NRXN3: variants seen among roughly 807,000 people sequenced by gnomAD.
The protein encoded by NRXN3 is neurexin III.
A neutral mutation model predicts 137.6 loss-of-function variants in NRXN3; 32 were observed. That is an observed-to-expected ratio of 0.23 (90% CI 0.18 to 0.31). The LOEUF (loss-of-function observed/expected upper bound fraction) is 0.31. Ranked by LOEUF, NRXN3 falls within the 10% of genes least tolerant of loss-of-function variation. The pLI is 1.00. For synonymous variants in NRXN3, 798 were observed against 784.5 expected (o/e 1.02, Z -0.29); for missense variants, 1,574 against 2,062.5 (o/e 0.76, Z 4.59).
At chr14:79,202,899 T>C (rs775813615) in intron 15 of NRXN3, among the ~76,000 whole-genome samples, 5 of 152,202 alleles carry the variant, frequency 3.3e-5, no homozygotes, top group African/African-American at 4.8e-5. Flanking sequence ...AGATACCCAG[T>C]AGTGGCATTG....
intron 4 of NRXN3, among the ~76,000 whole-genome samples, chr14:78,347,178 T>G (rs576645135): frequency 1.6e-4 from 25 of 152,330 alleles, no homozygotes; most frequent in Middle Eastern, 6.8e-3. Flanking sequence ...AATCCCTGAT[T>G]GTAGCTTCTG....
chr14:79,024,784 A>G (rs1400148513), intron 15 of NRXN3, among the ~76,000 whole-genome samples: 4 of 152,202 alleles, frequency 2.6e-5, no homozygotes, highest in Non-Finnish European at 5.9e-5. Context: ...TATTATTCTC[A>G]TCAGCAAAAT....
At chr14:78,539,704 G>C (rs1286661935) in intron 4 of NRXN3, among the ~76,000 whole-genome samples, 1 of 151,916 alleles carries the variant, frequency 6.6e-6, no homozygotes, top group Non-Finnish European at 1.5e-5. Flanking sequence ...GTAATGTTAG[G>C]GTGTCGATTA....
chr14:79,512,310 A>G (rs1428034958), intron 16 of NRXN3, among the ~76,000 whole-genome samples: 1 of 152,206 alleles, frequency 6.6e-6, no homozygotes, highest in Non-Finnish European at 1.5e-5. Flanking sequence ...CATCTTGGGG[A>G]AAATTTCCTA....
intron 15 of NRXN3, among the ~76,000 whole-genome samples, chr14:78,990,361 A>ATTTT (rs1163720240): frequency 0.011 from 829 of 76,060 alleles, 51 homozygotes; most frequent in African/African-American, 0.026. Flanking sequence ...GTTCACATCT[A>ATTTT]TTTTTTTTTT....
intron 15 of NRXN3, among the ~76,000 whole-genome samples, chr14:79,204,593 G>A (rs752558137): frequency 3.9e-5 from 6 of 152,108 alleles, no homozygotes; most frequent in Non-Finnish European, 7.4e-5. Context: ...GAGGGTGAAT[G>A]TCTGAATATG....
At chr14:78,431,542 G>A (rs541227482) in intron 4 of NRXN3, among the ~76,000 whole-genome samples, 11 of 152,238 alleles carry the variant, frequency 7.2e-5, no homozygotes, top group African/African-American at 2.4e-4. Context: ...TAAATCTTTT[G>A]TGTAGGCAAA....
chr14:78,319,988 C>G (rs979422221), intron 4 of NRXN3, among the ~76,000 whole-genome samples: 1 of 152,204 alleles, frequency 6.6e-6, no homozygotes, highest in Admixed American at 6.5e-5. Context: ...GCTGGAGGAA[C>G]AGAAGTGCAT....
chr14:78,396,046 C>A (rs1405232426), intron 4 of NRXN3, among the ~76,000 whole-genome samples: 1 of 151,594 alleles, frequency 6.6e-6, no homozygotes, highest in African/African-American at 2.4e-5. Flanking sequence ...CTCTGTGTTT[C>A]TCTTTTCTTT....
chr14:79,067,398 T>G (rs1262403540), intron 15 of NRXN3, among the ~76,000 whole-genome samples: 1 of 152,196 alleles, frequency 6.6e-6, no homozygotes, highest in African/African-American at 2.4e-5. Context: ...TGCATCAATA[T>G]TTATCAAGTA....
At chr14:78,967,433 G>A (rs2099420945) in intron 13 of NRXN3, 35 bp downstream of exon 13, 1 of 1,501,992 alleles carries the variant, frequency 6.7e-7, no homozygotes, top group Admixed American at 1.8e-5. Flanking sequence ...TTTTAATAGA[G>A]CTTTTCTTAC....
At chr14:78,450,148 A>C (rs781663265) in intron 4 of NRXN3, among the ~76,000 whole-genome samples, 17 of 152,200 alleles carry the variant, frequency 1.1e-4, no homozygotes, top group Non-Finnish European at 1.9e-4. Context: ...TGTGCAAATG[A>C]CTGGGTATAG....
chr14:79,204,045 G>T (rs1365298361), intron 15 of NRXN3, among the ~76,000 whole-genome samples: 1 of 152,060 alleles, frequency 6.6e-6, no homozygotes, highest in South Asian at 2.1e-4. Context: ...AATGGCTCTT[G>T]GGAGACAGTG....
At chr14:79,306,982 G>C (rs2086196135) in intron 15 of NRXN3, among the ~76,000 whole-genome samples, 1 of 151,976 alleles carries the variant, frequency 6.6e-6, no homozygotes, top group South Asian at 2.1e-4. Flanking sequence ...CCTTAAGAAG[G>C]GTCATTCGAG....
intron 16 of NRXN3, among the ~76,000 whole-genome samples, chr14:79,514,340 T>G (rs2096962118): frequency 6.6e-6 from 1 of 152,056 alleles, no homozygotes; most frequent in African/African-American, 2.4e-5. Flanking sequence ...TCTAAAAGAT[T>G]ATAGAATTTC....
chr14:79,265,660 C>T (rs1210346338), intron 15 of NRXN3, among the ~76,000 whole-genome samples: 1 of 152,024 alleles, frequency 6.6e-6, no homozygotes, highest in Non-Finnish European at 1.5e-5. Flanking sequence ...ATGTACTGAC[C>T]TTTTTCTCTA....
intron 6 of NRXN3, among the ~76,000 whole-genome samples, chr14:78,684,625 G>A (rs965435611): frequency 6.6e-6 from 1 of 151,988 alleles, no homozygotes; most frequent in Non-Finnish European, 1.5e-5. Context: ...GCAACATAGT[G>A]AGTCCCCATT....
At chr14:79,304,425 G>T (rs1388912548) in intron 15 of NRXN3, among the ~76,000 whole-genome samples, 1 of 151,992 alleles carries the variant, frequency 6.6e-6, no homozygotes, top group Non-Finnish European at 1.5e-5. Context: ...GTGTTAAAAA[G>T]GTAATGGAAG....
chr14:79,661,489 C>T (rs527973549), intron 16 of NRXN3, among the ~76,000 whole-genome samples: 1 of 152,210 alleles, frequency 6.6e-6, no homozygotes, highest in South Asian at 2.1e-4. Flanking sequence ...TAAATGGAAA[C>T]TTGAGGAAAG....
Sources: allele counts gnomAD v4.1 joint callset (sites outside exome capture counted in the v4.1 genomes callset), GRCh38; gene constraint gnomAD v4.1.1; transcripts MANE v1.5; gene names NCBI Gene and HGNC (gene_info 2026-07-23, HGNC 2026-07-21).